Variants in FGF13 observed in about 807,000 individuals in gnomAD.
FGF13 encodes the protein fibroblast growth factor homologous factor 2.
In FGF13, 2 loss-of-function variants were observed where a neutral mutation model predicts 19.5. The observed-to-expected ratio is 0.10, with a 90% CI of 0.04 to 0.32. FGF13 has a LOEUF of 0.32. FGF13 is among the 10% of genes least tolerant of loss of function. The pLI is 1.00. For synonymous variants in FGF13, 72 were observed against 76.9 expected (o/e 0.94, Z 0.33); for missense variants, 113 against 192.7 (o/e 0.59, Z 2.45).
In FGF13 at chrX:139,161,623, C is replaced by G. The variant is rs767290822; in HGVS notation, c.-113+41793G>C. Among the ~76,000 whole-genome samples, 163 of 112,011 alleles carry G rather than the reference C, an allele frequency of 1.5e-3. 1 individual carries two copies. Among genetic ancestry groups the G allele is most frequent in the African/African-American group, 2.1e-3 (65 of 30,820 alleles). On this transcript the variant is annotated intron_variant, in intron 1 of 2. Transcript: ENST00000421460. ...GGAAGTCAAATTGTCTCTGTATGCA[C>G]ATGACATGATTGTAAATTTAGACAA...
At chrX:139,104,660 T>A (rs1208427404) in intron 1 of FGF13, among the ~76,000 whole-genome samples, 1 of 111,483 alleles carries the variant, frequency 9.0e-6, no homozygotes, top group Non-Finnish European at 1.9e-5. Context: ...AAGACGAAGA[T>A]CAGGGTACCA....
chrX:138,867,130 G>T (rs919504517), intron 1 of FGF13, among the ~76,000 whole-genome samples: 1 of 111,351 alleles, frequency 9.0e-6, no homozygotes, highest in Admixed American at 9.5e-5. Flanking sequence ...TATTCCCTAT[G>T]TATTAAGTAC....
Position 138,674,071 on chromosome X carries a change from G to T in FGF13, c.402+28913C>A, listed in dbSNP as rs765101103. Among the ~76,000 whole-genome samples the T allele has an allele frequency of 3.4e-4, 38 of 110,305 alleles. 1 individual carries two copies. The East Asian group carries it at 0.011, about 31-fold the overall frequency. The stretch of plus-strand genomic sequence containing the variant: ...GTTGGTATAAAGGTAATTTAACTAG[G>T]GGAATTCTAATGTAGTACTACTAAA... On this transcript the variant is annotated intron_variant, in intron 3 of 4. Transcript: ENST00000315930.
intron 3 of FGF13, among the ~76,000 whole-genome samples, chrX:138,793,441 G>T (rs1054230761): frequency 9.0e-6 from 1 of 111,314 alleles, no homozygotes; most frequent in African/African-American, 3.3e-5. Context: ...CAGCATTCAG[G>T]GTGCAGGCCA....
intron 1 of FGF13, among the ~76,000 whole-genome samples, chrX:139,079,384 A>G (rs2083354512): frequency 9.4e-6 from 1 of 106,520 alleles, no homozygotes; most frequent in African/African-American, 3.4e-5. Flanking sequence ...ATATCCATGG[A>G]TCAAGAAAAA....
chrX:138,942,271 A>G (rs1305324508), intron 1 of FGF13, among the ~76,000 whole-genome samples: 1 of 111,740 alleles, frequency 8.9e-6, no homozygotes, highest in Admixed American at 9.5e-5. Flanking sequence ...CTTAGCCTCC[A>G]TATCTTATGT....
In FGF13 at chrX:138,711,625, G is replaced by A; in HGVS notation, c.-622C>T. ...TCCGACAGGGATCAAACAGGTAATG[G>A]CCTCGCATCTTCGCTGTTGCTGCTG... On this transcript the variant is annotated 5_prime_UTR_variant, in exon 1 of 5. Coordinates refer to ENST00000315930, the MANE Select transcript of FGF13 (RefSeq NM_004114.5). The A allele has an allele frequency of 9.3e-6, 7 of 754,478 alleles. No individual in the cohort carries two copies. Among genetic ancestry groups the A allele is most frequent in the Non-Finnish European group, 1.1e-5 (7 of 638,730 alleles). The allele number at this position is 754,478 out of a possible 1,213,427, so 62.2% of individuals were successfully genotyped here. A position where few individuals can be genotyped will look rare whatever the true frequency, so the allele number is the denominator to read the frequency against.
intron 3 of FGF13, among the ~76,000 whole-genome samples, chrX:138,768,952 T>A (rs1295643744): frequency 8.2e-5 from 9 of 109,272 alleles, no homozygotes; most frequent in Non-Finnish European, 1.5e-4. Context: ...TCTTGACTGC[T>A]TTTGTTCTGT....
chrX:138,960,767 A>G (rs1229443979), intron 1 of FGF13, among the ~76,000 whole-genome samples: 4 of 111,422 alleles, frequency 3.6e-5, no homozygotes, highest in Non-Finnish European at 7.5e-5. Flanking sequence ...TTGATCTTCA[A>G]TCACTGATAC....
intron 3 of FGF13, among the ~76,000 whole-genome samples, chrX:138,789,750 A>G (rs188631180): frequency 9.1e-6 from 1 of 109,715 alleles, no homozygotes; most frequent in African/African-American, 3.3e-5. Flanking sequence ...AGTGGCCTTA[A>G]AAAACAAACA....
At chrX:138,728,335 A>G (rs2090201521) in intron 1 of FGF13, among the ~76,000 whole-genome samples, 1 of 111,243 alleles carries the variant, frequency 9.0e-6, no homozygotes, top group Admixed American at 9.6e-5. Context: ...AACTTTAAAG[A>G]CTATTTTCAT....
intron 1 of FGF13, among the ~76,000 whole-genome samples, chrX:139,030,563 T>G (rs762165576): frequency 9.0e-6 from 1 of 111,678 alleles, no homozygotes; most frequent in Non-Finnish European, 1.9e-5. Flanking sequence ...GGTTCTTAGA[T>G]AGATCTCTTC....
intron 1 of FGF13, among the ~76,000 whole-genome samples, chrX:139,158,286 G>T (rs1255793589): frequency 1.8e-5 from 2 of 110,649 alleles, no homozygotes; most frequent in African/African-American, 3.3e-5. Flanking sequence ...GGAAAGGGGG[G>T]TGCAGCCAGG....
intron 1 of FGF13, among the ~76,000 whole-genome samples, chrX:138,947,789 G>A (rs1193980229): frequency 1.8e-5 from 2 of 111,723 alleles, no homozygotes; most frequent in African/African-American, 3.3e-5. Context: ...CCAGTACCTC[G>A]GAGGGTGACT....
chrX:138,786,944 T>C (rs1402888617), intron 3 of FGF13, among the ~76,000 whole-genome samples: 1 of 112,437 alleles, frequency 8.9e-6, no homozygotes, highest in East Asian at 2.8e-4. Context: ...CTGGGCATTT[T>C]CCCTTCTTTT....
chrX:138,764,490 A>C (rs944525232), intron 3 of FGF13, among the ~76,000 whole-genome samples: 3 of 112,882 alleles, frequency 2.7e-5, no homozygotes, highest in Non-Finnish European at 5.6e-5. Context: ...TTTACACAGC[A>C]GCAAGTTTAG....
intron 3 of FGF13, among the ~76,000 whole-genome samples, chrX:138,847,982 T>G (rs979698746): frequency 9.0e-6 from 1 of 111,729 alleles, no homozygotes; most frequent in African/African-American, 3.3e-5. Context: ...CGTGACACCC[T>G]TTTCTCCTTC....
intron 3 of FGF13, among the ~76,000 whole-genome samples, chrX:138,682,055 G>A (rs913231842): frequency 8.9e-6 from 1 of 112,242 alleles, no homozygotes; most frequent in African/African-American, 3.2e-5. Flanking sequence ...GGAAAAAATG[G>A]CGCTGATAGA....
At chrX:138,909,934 C>CA (rs994986589) in intron 1 of FGF13, among the ~76,000 whole-genome samples, 1 of 108,398 alleles carries the variant, frequency 9.2e-6, no homozygotes, top group African/African-American at 3.4e-5. Context: ...AACACAGGAG[C>CA]AAAAAAAAAT....
Sources: gnomAD v4.1 joint callset for allele counts (sites outside exome capture counted in the v4.1 genomes callset) on GRCh38, gnomAD v4.1.1 for gene constraint, MANE v1.5 for transcripts, NCBI Gene and HGNC (gene_info 2026-07-23, HGNC 2026-07-21) for gene names.